AIFM1: variants seen among roughly 807,000 people sequenced by gnomAD.
AIFM1 encodes the protein apoptosis-inducing factor 1, mitochondrial.
Under a neutral mutation model 51.7 loss-of-function variants are expected in AIFM1, and 3 were observed. That is an observed-to-expected ratio of 0.06 (90% CI 0.03 to 0.15). The LOEUF is 0.15. Ranked by LOEUF, AIFM1 falls within the 10% of genes least tolerant of loss-of-function variation. AIFM1 has a pLI of 1.00. For missense variants in AIFM1, 330 were observed against 476.8 expected (o/e 0.69, Z 2.87); for synonymous variants, 178 against 179.4 (o/e 0.99, Z 0.06).
chrX:130,138,768 T>C (rs1352605917), intron 8 of AIFM1, 67 bp from the exon 9 acceptor site: 4 of 758,274 alleles, frequency 5.3e-6, no homozygotes, highest in African/African-American at 2.0e-5. Context: ...TACTAGAAAG[T>C]AGTTTCTTCT....
At chrX:130,139,932 T>G in intron 7 of AIFM1, 61 bp from the exon 8 acceptor site, 1 of 953,874 alleles carries the variant, frequency 1.0e-6, no homozygotes, top group Non-Finnish European at 1.5e-6. Context: ...CAAACAATAC[T>G]CCCTCCACCA....
chrX:130,163,999 C>A (rs950349953), intron 1 of AIFM1, among the ~76,000 whole-genome samples: 93 of 74,201 alleles, frequency 1.3e-3, no homozygotes, highest in Admixed American at 1.8e-3. Context: ...ACTAAAAATA[C>A]AAAAAAAAAA....
At chrX:130,158,053 G>A (rs1603230621) in intron 1 of AIFM1, among the ~76,000 whole-genome samples, 1 of 110,189 alleles carries the variant, frequency 9.1e-6, no homozygotes, top group East Asian at 2.9e-4. Context: ...ACCTGAGGTT[G>A]GGAGTTAGAG....
rs537233560 is a variant in AIFM1, at chrX:130,133,473, T to C, written c.1306-18A>G. 4.2e-6 allele frequency: 5 copies of C among 1,198,315 alleles called. No homozygotes were observed. The African/African-American group carries it at 5.5e-5, about 13-fold the overall frequency. On this transcript the variant is annotated intron_variant, in intron 12 of 15. Transcript: ENST00000287295. ...TCTCCTGCCTGTGGAAACAAATACA[T>C]AACATGAACACATGATAAAAAAAAA...
intron 13 of AIFM1, 50 bp from the exon 14 acceptor site, chrX:130,131,849 C>T (rs200864688): frequency 1.9e-4 from 226 of 1,191,550 alleles, no homozygotes; most frequent in Non-Finnish European, 2.5e-4. Context: ...AGGAATGACA[C>T]GGTAGCACAT....
intron 1 of AIFM1, among the ~76,000 whole-genome samples, chrX:130,161,609 CTT>C (rs1224200767): frequency 9.3e-5 from 9 of 96,544 alleles, no homozygotes; most frequent in Non-Finnish European, 4.2e-5. Context: ...ATTTATCAGC[CTT>C]TTTTTTTTTT....
intron 5 of AIFM1, among the ~76,000 whole-genome samples, chrX:130,146,451 ATGTGTGTGTGTGTGTG>A (rs60694841): frequency 1.1e-4 from 10 of 89,443 alleles, no homozygotes; most frequent in South Asian, 5.9e-4. Context: ...CTCTCAAAAT[ATGTGTGTGTGTGTGTG>A]TGTGTGTGTG....
In AIFM1 at chrX:130,129,540, A is replaced by C. The variant is rs778089499; in HGVS notation, c.*17T>G. 5.8e-6 allele frequency: 7 copies of C among 1,205,791 alleles called. No individual in the cohort carries two copies. In the East Asian group the frequency reaches 2.1e-4, roughly 36 times the overall value. On this transcript the variant is annotated 3_prime_UTR_variant, in exon 16 of 16. Coordinates refer to ENST00000287295, the MANE Select transcript of AIFM1 (RefSeq NM_004208.4). ...TCTCAGGGGCTGCAGTGGGTTTGCCAATTCCACTGTGGGGCTTCAGTCTTC... is the reference window on the plus strand; with the variant it reads ...TCTCAGGGGCTGCAGTGGGTTTGCCCATTCCACTGTGGGGCTTCAGTCTTC...
intron 1 of AIFM1, 27 bp downstream of exon 1, chrX:130,165,524 G>C: frequency 8.7e-7 from 1 of 1,151,657 alleles, no homozygotes; most frequent in Non-Finnish European, 1.2e-6. Context: ...CCTCGGACTT[G>C]GAGGTTGCCT....
chrX:130,136,001 C>T, intron 12 of AIFM1, 44 bp downstream of exon 12: 6 of 1,208,692 alleles, frequency 5.0e-6, no homozygotes, highest in Non-Finnish European at 6.7e-6. Context: ...TGTTCACAGG[C>T]TAGGGAGAAT....
intron 2 of AIFM1, among the ~76,000 whole-genome samples, chrX:130,154,795 T>C (rs5977213): frequency 2.6e-3 from 289 of 112,777 alleles, no homozygotes; most frequent in African/African-American, 8.2e-3. Context: ...TCACATTACC[T>C]TTATTTGCTT....
chrX:130,160,966 A>G (rs2031328736), intron 1 of AIFM1, among the ~76,000 whole-genome samples: 1 of 111,623 alleles, frequency 9.0e-6, no homozygotes, highest in Admixed American at 9.5e-5. Context: ...CTTTAGCCAG[A>G]TTCCATTTAT....
At chrX:130,138,281 C>T (rs752868065) in intron 9 of AIFM1, among the ~76,000 whole-genome samples, 34 of 110,243 alleles carry the variant, frequency 3.1e-4, no homozygotes, top group Non-Finnish European at 5.3e-4. Flanking sequence ...CTGGCTAACA[C>T]GGTGAAACCC....
At chrX:130,149,244 G>T (rs147879115) in intron 3 of AIFM1, among the ~76,000 whole-genome samples, 9 of 111,679 alleles carry the variant, frequency 8.1e-5, no homozygotes, top group African/African-American at 2.9e-4. Context: ...TTAATATACA[G>T]ATAAACAACC....
chrX:130,154,859 T>C (rs1039287292), intron 2 of AIFM1, among the ~76,000 whole-genome samples: 1 of 112,499 alleles, frequency 8.9e-6, no homozygotes, highest in African/African-American at 3.2e-5. Context: ...TAAAGCACAA[T>C]ATAATTTGGT....
chrX:130,150,421 T>C (rs7058548), intron 2 of AIFM1, among the ~76,000 whole-genome samples: 46,630 of 90,799 alleles, frequency 0.51, 11,628 homozygotes, highest in African/African-American at 0.79. Context: ...CTGCAAGCTC[T>C]GCCTCCCGGG....
Position 130,131,645 on chromosome X carries a change from T to C in AIFM1, c.1573+30A>G, listed in dbSNP as rs767698731. On this transcript the variant is annotated intron_variant, in intron 14 of 15. Transcript: ENST00000287295. ...AATCTGGACCACTGCTTCTCAACAC[T>C]CTCCAAGAGGAGTGCTAGGACTTTC... is the stretch of plus-strand genomic sequence containing the variant. 3 of 1,210,794 alleles carry C rather than the reference T, an allele frequency of 2.5e-6. No individual in the cohort carries two copies. In the Admixed American group the frequency reaches 6.5e-5, roughly 26 times the overall value.
chrX:130,147,348 A>C, intron 5 of AIFM1, 145 bp downstream of exon 5: 3 of 710,672 alleles, frequency 4.2e-6, no homozygotes, highest in Non-Finnish European at 6.6e-6. Context: ...GTTATCTCTA[A>C]GCTGTACCAA....
At chrX:130,144,439 C>T (rs1292739329) in intron 6 of AIFM1, among the ~76,000 whole-genome samples, 1 of 112,297 alleles carries the variant, frequency 8.9e-6, no homozygotes, top group Non-Finnish European at 1.9e-5. Context: ...CACTTCCTAA[C>T]TTGTACCTAA....
Sources: gnomAD v4.1 joint callset for allele counts (sites outside exome capture counted in the v4.1 genomes callset) on GRCh38, gnomAD v4.1.1 for gene constraint, MANE v1.5 for transcripts, NCBI Gene and HGNC (gene_info 2026-07-23, HGNC 2026-07-21) for gene names.